POU2F1: variants seen among roughly 807,000 people sequenced by gnomAD.
POU2F1 encodes the protein POU class 2 homeobox 1, also known as POU domain, class 2, transcription factor 1.
A neutral mutation model predicts 84.9 loss-of-function variants in POU2F1; 16 were observed. The observed-to-expected ratio is 0.19, with a 90% CI of 0.13 to 0.29. POU2F1 has a LOEUF of 0.29. Among genes scored for constraint, POU2F1 ranks in the 10% least tolerant of loss-of-function variants. POU2F1 has a pLI of 1.00. For synonymous variants in POU2F1, 368 were observed against 368.3 expected (o/e 1.00, Z 0.01); for missense variants, 738 against 942.6 (o/e 0.78, Z 2.84).
intron 7 of POU2F1, 52 bp downstream of exon 7, chr1:167,376,207 T>C (rs765291698): frequency 6.4e-6 from 10 of 1,571,582 alleles, no homozygotes; most frequent in Non-Finnish European, 7.8e-6. Flanking sequence ...GTTCGCTGAA[T>C]GTTACACATG....
At chr1:167,374,014 A>G in intron 5 of POU2F1, 94 bp from the exon 6 acceptor site, 2 of 1,183,354 alleles carry the variant, frequency 1.7e-6, no homozygotes, top group Non-Finnish European at 2.5e-6. Context: ...CTGGGGACTG[A>G]TATCATTTGA....
intron 1 of POU2F1, among the ~76,000 whole-genome samples, chr1:167,317,364 C>G (rs2102620422): frequency 6.6e-6 from 1 of 152,286 alleles, no homozygotes; most frequent in African/African-American, 2.4e-5. Flanking sequence ...GAAACTTGTC[C>G]TTGTCGAGAC....
At chr1:167,319,892 G>A (rs558584669) in intron 1 of POU2F1, among the ~76,000 whole-genome samples, 2 of 152,262 alleles carry the variant, frequency 1.3e-5, no homozygotes, top group African/African-American at 4.8e-5. Flanking sequence ...GCATCACTTG[G>A]TAATAGCTTT....
In POU2F1 at chr1:167,289,954, CT is replaced by C. The variant is rs1653797548; in HGVS notation, c.62-42514del. On this transcript the variant is annotated intron_variant, in intron 1 of 15. Transcript: ENST00000367866. Reference sequence around the variant, plus strand: ...ATATAATGAAAAATAATTATAGTAACTTGGAAGAGACTTCAAAAGCAGTATC... The same window carrying C: ...ATATAATGAAAAATAATTATAGTAACTGGAAGAGACTTCAAAAGCAGTATC... Among the ~76,000 whole-genome samples, 3 of 152,244 alleles carry C rather than the reference CT, an allele frequency of 2.0e-5. No individual in the cohort carries two copies. The South Asian group carries it at 6.2e-4, about 32-fold the overall frequency.
At chr1:167,357,700 A>G (rs1005651360) in intron 2 of POU2F1, among the ~76,000 whole-genome samples, 3 of 151,534 alleles carry the variant, frequency 2.0e-5, no homozygotes, top group Non-Finnish European at 4.4e-5. Flanking sequence ...AATTTTTATC[A>G]TAAGTGGATA....
At chr1:167,317,369 C>T (rs571548401) in intron 1 of POU2F1, among the ~76,000 whole-genome samples, 2 of 152,100 alleles carry the variant, frequency 1.3e-5, no homozygotes, top group Non-Finnish European at 2.9e-5. Flanking sequence ...TTGTCCTTGT[C>T]GAGACCAGCT....
chr1:167,235,869 A>G (rs1215314450), intron 1 of POU2F1, among the ~76,000 whole-genome samples: 1 of 152,198 alleles, frequency 6.6e-6, no homozygotes, highest in Non-Finnish European at 1.5e-5. Context: ...GCTGAGACCT[A>G]GTGGAGGAGG....
intron 1 of POU2F1, among the ~76,000 whole-genome samples, chr1:167,328,539 G>A (rs1430854698): frequency 2.6e-5 from 4 of 152,134 alleles, no homozygotes; most frequent in African/African-American, 9.7e-5. Context: ...ATTGTTGCCA[G>A]CAGGAATAAG....
At chr1:167,386,685 G>C (rs1178839072) in intron 8 of POU2F1, among the ~76,000 whole-genome samples, 1 of 152,186 alleles carries the variant, frequency 6.6e-6, no homozygotes. Context: ...ATGATGGAAT[G>C]CTACTTTGCA....
intron 1 of POU2F1, among the ~76,000 whole-genome samples, chr1:167,309,788 A>G (rs1006161672): frequency 1.3e-5 from 2 of 152,158 alleles, no homozygotes; most frequent in Non-Finnish European, 2.9e-5. Flanking sequence ...GTTACATTTA[A>G]GGTGTTAAAG....
At chr1:167,252,418 C>G (rs1458400362) in intron 1 of POU2F1, among the ~76,000 whole-genome samples, 1 of 152,064 alleles carries the variant, frequency 6.6e-6, no homozygotes, top group Non-Finnish European at 1.5e-5. Flanking sequence ...GTAGTTTGTG[C>G]CTACAAAACA....
intron 2 of POU2F1, among the ~76,000 whole-genome samples, chr1:167,346,795 A>G (rs1010714933): frequency 2.6e-5 from 4 of 152,202 alleles, no homozygotes; most frequent in South Asian, 2.1e-4. Context: ...GACCCCTGCT[A>G]TAGATATTCT....
chr1:167,225,648 C>A (rs766104946), intron 1 of POU2F1, among the ~76,000 whole-genome samples: 3 of 152,186 alleles, frequency 2.0e-5, no homozygotes, highest in Admixed American at 1.3e-4. Context: ...TGAATGTTAT[C>A]TTTAAGTATT....
At chr1:167,302,189 A>G (rs1654750721) in intron 1 of POU2F1, among the ~76,000 whole-genome samples, 1 of 151,898 alleles carries the variant, frequency 6.6e-6, no homozygotes, top group African/African-American at 2.4e-5. Flanking sequence ...CTCCTGCCTC[A>G]GCCTCAGCCT....
At chr1:167,371,880 A>G in intron 4 of POU2F1, 37 bp from the exon 5 acceptor site, 2 of 1,612,902 alleles carry the variant, frequency 1.2e-6, no homozygotes, top group East Asian at 2.2e-5. Context: ...TTAATCAACC[A>G]TTTGCAATCT....
chr1:167,226,502 C>T (rs574551281), intron 1 of POU2F1, among the ~76,000 whole-genome samples: 2 of 152,098 alleles, frequency 1.3e-5, no homozygotes, highest in East Asian at 1.9e-4. Context: ...TGTTTTGTAC[C>T]GAAGTATTTC....
intron 4 of POU2F1, among the ~76,000 whole-genome samples, chr1:167,371,395 T>G (rs1487013974): frequency 6.6e-6 from 1 of 152,224 alleles, no homozygotes; most frequent in East Asian, 1.9e-4. Flanking sequence ...AATTTTCTCT[T>G]CGTGCCCCTC....
intron 12 of POU2F1, among the ~76,000 whole-genome samples, 189 bp downstream of exon 12, chr1:167,399,554 GCTCT>G (rs142706785): frequency 1.4e-4 from 21 of 149,928 alleles, no homozygotes; most frequent in African/African-American, 3.2e-4. Context: ...TGTCTCTCGT[GCTCT>G]CTCTCTCTCT....
intron 1 of POU2F1, among the ~76,000 whole-genome samples, chr1:167,306,418 G>A (rs1655068151): frequency 6.6e-6 from 1 of 152,078 alleles, no homozygotes; most frequent in South Asian, 2.1e-4. Flanking sequence ...CTTGTACTAG[G>A]AGAAAATGTT....
Sources: gnomAD v4.1 joint callset for allele counts (sites outside exome capture counted in the v4.1 genomes callset) on GRCh38, gnomAD v4.1.1 for gene constraint, MANE v1.5 for transcripts, NCBI Gene and HGNC (gene_info 2026-07-23, HGNC 2026-07-21) for gene names.